VPS4B: variants seen among roughly 807,000 people sequenced by gnomAD.
VPS4B encodes the protein vacuolar protein sorting 4 homolog B, also known as vacuolar protein sorting-associated protein 4B.
In VPS4B, 23 loss-of-function variants were observed where a neutral mutation model predicts 56.1. The ratio of observed to expected loss-of-function variants is 0.41; its 90% confidence interval spans 0.30 to 0.58. The LOEUF (loss-of-function observed/expected upper bound fraction) is 0.58. VPS4B is among the 20% of genes least tolerant of loss of function. The pLI, the probability that VPS4B is intolerant of heterozygous loss-of-function variation, is 0.29. For missense variants in VPS4B, 372 were observed against 531.9 expected (o/e 0.70, Z 2.96); for synonymous variants, 177 against 186.0 (o/e 0.95, Z 0.39).
Position 63,411,167 on chromosome 18 carries a change from C to T in VPS4B, c.139+300G>A, listed in dbSNP as rs189429930. Among the ~76,000 whole-genome samples the T allele has an allele frequency of 5.9e-5, 9 of 152,350 alleles. No homozygotes were observed. In the East Asian group the frequency reaches 9.6e-4, roughly 16 times the overall value. On this transcript the variant is annotated intron_variant, in intron 2 of 10. Transcript: ENST00000238497. ...TCCATTGTATCCCCAGTGCCTGCCACGTGGTACACACGCAATACATATCTG... is the reference window on the plus strand; with the variant it reads ...TCCATTGTATCCCCAGTGCCTGCCATGTGGTACACACGCAATACATATCTG...
In VPS4B at chr18:63,397,259, A is replaced by G. The variant is rs1364415435; in HGVS notation, c.873-6T>C. 6.3e-7 allele frequency: 1 copy of G among 1,594,212 alleles called. No individual in the cohort carries two copies. Among genetic ancestry groups the G allele is most frequent in the Non-Finnish European group, 8.5e-7 (1 of 1,171,780 alleles). ...TATAAATTCGTTTCTCAAATCTTAA[A>G]AGAGAAATTACATCAAGAATATATT... On this transcript the variant is annotated splice_region_variant and splice_polypyrimidine_tract_variant and intron_variant, in intron 8 of 10. Transcript: ENST00000238497.
intron 1 of VPS4B, among the ~76,000 whole-genome samples, chr18:63,414,845 C>T (rs1916127642): frequency 6.6e-6 from 1 of 152,270 alleles, no homozygotes; most frequent in South Asian, 2.1e-4. Flanking sequence ...TCAGGCCTCA[C>T]TGAGGCACCA....
chr18:63,401,762 AT>A (rs1915815666), intron 5 of VPS4B, among the ~76,000 whole-genome samples: 1 of 151,862 alleles, frequency 6.6e-6, no homozygotes. Context: ...AGAGGCTGAG[AT>A]GGGCGGATCA....
In VPS4B at chr18:63,420,419, G is replaced by A. The variant is rs977096241; in HGVS notation, c.27+1814C>T. Among the ~76,000 whole-genome samples, 127 of 152,272 alleles carry A rather than the reference G, an allele frequency of 8.3e-4. 1 individual carries two copies. Among genetic ancestry groups the A allele is most frequent in the East Asian group, 2.5e-3 (13 of 5,186 alleles). ...GCCAAGATCACGCCACTGCACTCCA[G>A]TCTGGGCAACAGAGCAAGACTGTCT... On this transcript the variant is annotated intron_variant, in intron 1 of 10. Coordinates refer to ENST00000238497, the MANE Select transcript of VPS4B (RefSeq NM_004869.4).
At chr18:63,400,736 A>T in intron 5 of VPS4B, 33 bp from the exon 6 acceptor site, 2 of 1,577,164 alleles carry the variant, frequency 1.3e-6, no homozygotes, top group Non-Finnish European at 1.7e-6. Flanking sequence ...TGTCATGAGA[A>T]TTTTAACACT....
intron 1 of VPS4B, among the ~76,000 whole-genome samples, chr18:63,414,065 T>G (rs936701488): frequency 1.3e-4 from 20 of 151,802 alleles, no homozygotes; most frequent in Admixed American, 5.3e-4. Flanking sequence ...CAGCCAAGAT[T>G]GTGCCACTGC....
intron 1 of VPS4B, among the ~76,000 whole-genome samples, chr18:63,412,994 A>G (rs1028173739): frequency 3.9e-5 from 6 of 152,264 alleles, no homozygotes; most frequent in African/African-American, 1.2e-4. Flanking sequence ...GACAATCTAT[A>G]GACTGGGAGA....
rs1422235861 is a variant in VPS4B at position 63,390,499 on chromosome 18, T to G, written c.*476A>C. The G allele has an allele frequency of 6.5e-6, 1 of 152,898 alleles. No homozygotes were observed. The highest frequency in any genetic ancestry group is 1.5e-5 in the Non-Finnish European group (1 of 68,242). The allele number at this position is 152,898 out of a possible 1,614,324, so 9.5% of individuals were successfully genotyped here. A position where few individuals can be genotyped will look rare whatever the true frequency, so the allele number is the denominator to read the frequency against. On this transcript the variant is annotated 3_prime_UTR_variant, in exon 11 of 11. Transcript: ENST00000238497. ...AACCCAATCACAAAGCTCTTTGCTG[T>G]TTTATTGCCCATCCCTGAGTAAAGA...
intron 9 of VPS4B, among the ~76,000 whole-genome samples, chr18:63,395,945 C>T (rs1915659303): frequency 1.3e-5 from 2 of 152,186 alleles, no homozygotes; most frequent in Non-Finnish European, 2.9e-5. Context: ...CACCTACGTC[C>T]AAGACTAACC....
chr18:63,398,551 ATCT>A (rs1329215738), intron 8 of VPS4B, among the ~76,000 whole-genome samples: 1 of 151,814 alleles, frequency 6.6e-6, no homozygotes, highest in Non-Finnish European at 1.5e-5. Flanking sequence ...AAAAAAAAAA[ATCT>A]TGGCTGGGCA....
At chr18:63,416,143 T>A (rs957622240) in intron 1 of VPS4B, 10 of 165,452 alleles carry the variant, frequency 6.0e-5, no homozygotes, top group Non-Finnish European at 1.1e-4. Flanking sequence ...GGCAATTGGG[T>A]CTCATGTCAT....
Position 63,410,402 on chromosome 18 carries a change from A to T in VPS4B, c.184T>A (p.Cys62Ser), listed in dbSNP as rs1315570182. The T allele has an allele frequency of 6.2e-7, 1 of 1,613,674 alleles. No homozygotes were observed. Among genetic ancestry groups the T allele is most frequent in the East Asian group, 2.2e-5 (1 of 44,880 alleles). ...DKAKQSIRAKCTEYLDRAEKL... is the reference protein window; with the variant it reads ...DKAKQSIRAKSTEYLDRAEKL... ...TCTGCTCTATCAAGATATTCTGTAC[A>T]CTTTGCCCTGATACTTTGCTTGGCT... The change falls in exon 3 of 11, where the codon TGT (cysteine) becomes AGT (serine). Residue 62 changes from cysteine to serine, a missense_variant. By Grantham distance (112) the Cys-to-Ser change is moderately radical. This residue lies in a region of VPS4B where 153 missense variants were observed against 190.3 expected (regional missense o/e 0.80). Coordinates refer to ENST00000238497, the MANE Select transcript of VPS4B (RefSeq NM_004869.4).
At chr18:63,402,489 G>A (rs373967666) in intron 5 of VPS4B, among the ~76,000 whole-genome samples, 4 of 152,276 alleles carry the variant, frequency 2.6e-5, no homozygotes, top group South Asian at 2.1e-4. Flanking sequence ...TGGCATGCTT[G>A]CTTTGTGACA....
chr18:63,410,787 C>T (rs540463027), intron 2 of VPS4B, among the ~76,000 whole-genome samples: 3 of 152,230 alleles, frequency 2.0e-5, no homozygotes, highest in South Asian at 4.1e-4. Context: ...CTTAGACAAA[C>T]CCAATTATAA....
chr18:63,397,217 G>C lies in VPS4B; in HGVS notation c.909C>G (p.Pro303=), dbSNP rs147555600. The C allele has an allele frequency of 6.8e-6, 11 of 1,612,944 alleles. No individual in the cohort carries two copies. The highest frequency in any genetic ancestry group is 9.3e-6 in the Non-Finnish European group (11 of 1,179,500). ...GTTTAAACATTGCTGCTCGGGCATGGGGTTCCGGCAAGGGAATATAAATTC... is the reference window on the plus strand; with the variant it reads ...GTTTAAACATTGCTGCTCGGGCATGCGGTTCCGGCAAGGGAATATAAATTC... The part of the protein sequence containing the change: ...EKRIYIPLPE[P]HARAAMFKLH... Residue 303 remains proline (P), a synonymous_variant, in exon 9 of 11, where the codon CCC becomes CCG. Coordinates refer to ENST00000238497, the MANE Select transcript of VPS4B (RefSeq NM_004869.4).
intron 10 of VPS4B, 81 bp from the exon 11 acceptor site, chr18:63,391,157 T>C: frequency 1.1e-6 from 1 of 895,938 alleles, no homozygotes; most frequent in East Asian, 2.6e-5. Context: ...TCATTATTGC[T>C]ATGAACTTTA....
At chr18:63,418,170 T>A (rs532674751) in intron 1 of VPS4B, among the ~76,000 whole-genome samples, 4,097 of 152,166 alleles carry the variant, frequency 0.027, 176 homozygotes, top group African/African-American at 0.093. Flanking sequence ...ACTCCTCAGC[T>A]CCTCGGTTCT....
intron 10 of VPS4B, among the ~76,000 whole-genome samples, chr18:63,392,332 A>G (rs1915567775): frequency 1.3e-5 from 2 of 152,230 alleles, no homozygotes; most frequent in Non-Finnish European, 2.9e-5. Flanking sequence ...ATTAACTGTA[A>G]TTTTTAAAAA....
At chr18:63,394,698 C>T (rs1485700230) in intron 9 of VPS4B, among the ~76,000 whole-genome samples, 4 of 152,212 alleles carry the variant, frequency 2.6e-5, no homozygotes, top group Admixed American at 6.5e-5. Flanking sequence ...AACCCCTGAC[C>T]TTGTGATCCG....
Sources: allele counts gnomAD v4.1 joint callset (sites outside exome capture counted in the v4.1 genomes callset), GRCh38; gene constraint gnomAD v4.1.1; regional missense constraint gnomAD v4.1.1; transcripts MANE v1.5; gene names NCBI Gene and HGNC (gene_info 2026-07-23, HGNC 2026-07-21).